Variants in EFHC1 observed in about 807,000 individuals in gnomAD.
EFHC1 encodes EF-hand domain-containing protein 1.
A neutral mutation model predicts 69.9 loss-of-function variants in EFHC1; 53 were observed. That is an observed-to-expected ratio of 0.76 (90% CI 0.61 to 0.95). EFHC1 has a LOEUF of 0.95. EFHC1 is among the 40% of genes least tolerant of loss of function. EFHC1 has a pLI of 0.00. For synonymous variants in EFHC1, 256 were observed against 278.4 expected, an observed-to-expected ratio of 0.92 and a Z score of 0.80; for missense variants, 739 against 798.7, an observed-to-expected ratio of 0.93 and a Z score of 0.90.
intron 2 of EFHC1, among the ~76,000 whole-genome samples, chr6:52,429,086 A>G (rs1232317514): frequency 1.3e-5 from 2 of 152,132 alleles, no homozygotes; most frequent in African/African-American, 4.8e-5. Flanking sequence ...TAAATTCTGG[A>G]TATTAATCTT....
At chr6:52,471,678 C>T (rs888925736) in intron 7 of EFHC1, among the ~76,000 whole-genome samples, 3 of 151,966 alleles carry the variant, frequency 2.0e-5, no homozygotes, top group African/African-American at 7.2e-5. Flanking sequence ...CCAGCCTGGC[C>T]AACATGCTAA....
intron 2 of EFHC1, among the ~76,000 whole-genome samples, chr6:52,432,624 C>G (rs1422184891): frequency 6.6e-6 from 1 of 152,186 alleles, no homozygotes; most frequent in African/African-American, 2.4e-5. Context: ...ATTTGCCTCA[C>G]AGCTCTTAAG....
At chr6:52,453,524 G>A in intron 4 of EFHC1, 6 of 1,285,814 alleles carry the variant, frequency 4.7e-6, no homozygotes, top group Non-Finnish European at 3.0e-6. Flanking sequence ...ACTAGCACTA[G>A]CATGGTCTTT....
rs371622248 is a variant in EFHC1, at chr6:52,439,219, G to A, written c.573+628G>A. Among the ~76,000 whole-genome samples, 39 of 152,182 alleles carry A rather than the reference G, an allele frequency of 2.6e-4. 1 individual carries two copies. The South Asian group carries it at 7.5e-3, about 29-fold the overall frequency. ...GGCCTTTCTTTACTACAAAGTGTAG[G>A]AATTAGGAAGTCAATTCCAAATTTG... On this transcript the variant is annotated intron_variant, in intron 3 of 10. Coordinates refer to ENST00000371068, the MANE Select transcript of EFHC1 (RefSeq NM_018100.4).
At chr6:52,486,521 T>C (rs1418694244) in intron 9 of EFHC1, 1 of 152,232 alleles carries the variant, frequency 6.6e-6, no homozygotes, top group Non-Finnish European at 1.5e-5. Context: ...ATCTTTTTAA[T>C]CCTTTTCTTT....
chr6:52,470,242 G>T (rs183200310), intron 7 of EFHC1, among the ~76,000 whole-genome samples: 5 of 152,196 alleles, frequency 3.3e-5, no homozygotes, highest in Non-Finnish European at 7.4e-5. Flanking sequence ...ATTGCACAAA[G>T]CTTTAAATAA....
chr6:52,448,692 C>G (rs537346995), intron 3 of EFHC1, among the ~76,000 whole-genome samples: 1 of 152,188 alleles, frequency 6.6e-6, no homozygotes, highest in Non-Finnish European at 1.5e-5. Context: ...TGGAACCTCT[C>G]CTACCTAGTT....
intron 9 of EFHC1, 124 bp from the exon 10 acceptor site, chr6:52,490,016 C>G: frequency 1.1e-6 from 1 of 884,328 alleles, no homozygotes; most frequent in Non-Finnish European, 1.8e-6. Context: ...AGTTATTGGT[C>G]AGCTCAGTCT....
chr6:52,482,935 T>C (rs1241528135), intron 9 of EFHC1: 19 of 398,286 alleles, frequency 4.8e-5, no homozygotes, highest in Non-Finnish European at 6.6e-5. Context: ...TTCATCCTTA[T>C]TGGCCAATTC....
intron 9 of EFHC1, among the ~76,000 whole-genome samples, 167 bp from the exon 10 acceptor site, chr6:52,489,973 G>A (rs1001207985): frequency 6.6e-6 from 1 of 152,168 alleles, no homozygotes; most frequent in African/African-American, 2.4e-5. Context: ...TTCCTGATGT[G>A]GAGGTCAGCT....
At position 52,424,033 on chromosome 6, in the gene EFHC1, C is replaced by T. The variant is rs374661645; in HGVS notation, c.151C>T (p.Arg51Trp). The change falls in exon 2 of 11, where the codon CGG (arginine) becomes TGG (tryptophan). Residue 51 changes from arginine (R) to tryptophan (W), a missense_variant. Arg to Trp is a moderately radical substitution (Grantham distance 101, BLOSUM62 -3). Coordinates refer to ENST00000371068, the MANE Select transcript of EFHC1 (RefSeq NM_018100.4). ...TCCAACAGTTGGGATAGGCGGAGAC[C>T]GGCTCCAGTTCAACCAGCTGTCCCA... ...RRPTVGIGGD[R>W]LQFNQLSQAE... 9.2e-5 allele frequency: 149 copies of T among 1,613,958 alleles called. No homozygotes were observed. Among genetic ancestry groups the T allele is most frequent in the Non-Finnish European group, 1.1e-4 (129 of 1,180,022 alleles).
intron 5 of EFHC1, among the ~76,000 whole-genome samples, chr6:52,464,038 TGTGATCAGG>T (rs765439596): frequency 2.0e-5 from 3 of 152,208 alleles, no homozygotes; most frequent in Non-Finnish European, 2.9e-5. Flanking sequence ...TCATCCCCCT[TGTGATCAGG>T]GTTCTGTGCC....
At chr6:52,460,176 A>G (rs1459124790) in intron 5 of EFHC1, among the ~76,000 whole-genome samples, 1 of 152,254 alleles carries the variant, frequency 6.6e-6, no homozygotes, top group Admixed American at 6.5e-5. Context: ...ATTATTGTAT[A>G]TCAGTACTTT....
At chr6:52,466,926 A>C (rs1765318452) in intron 6 of EFHC1, among the ~76,000 whole-genome samples, 3 of 152,192 alleles carry the variant, frequency 2.0e-5, no homozygotes, top group Admixed American at 2.0e-4. Context: ...ATTGATTAAG[A>C]ACAATGATAA....
At chr6:52,474,283 T>C (rs1765499857) in intron 7 of EFHC1, among the ~76,000 whole-genome samples, 1 of 152,192 alleles carries the variant, frequency 6.6e-6, no homozygotes, top group African/African-American at 2.4e-5. Context: ...GCCACTGCAC[T>C]CCAACCTGGG....
At position 52,479,042 on chromosome 6, in the gene EFHC1, C is replaced by T; in HGVS notation, c.1284C>T (p.Ser428=). The change falls in exon 8 of 11, where the codon TCC becomes TCT. Residue 428 remains serine, a synonymous_variant. Transcript: ENST00000371068. Reference sequence around the variant, plus strand: ...TCTTTTCTTCACCTTTGTAGGAATCCCCCATCCCAGAAGACAAAGACCGCA... The same window carrying T: ...TCTTTTCTTCACCTTTGTAGGAATCTCCCATCCCAGAAGACAAAGACCGCA... The part of the protein sequence containing the change: ...KVLRYLAVLE[S]PIPEDKDRRF... 1 of 1,613,528 alleles carries T rather than the reference C, an allele frequency of 6.2e-7. No individual in the cohort carries two copies. The highest frequency in any genetic ancestry group is 8.5e-7 in the Non-Finnish European group (1 of 1,179,940).
Position 52,492,662 on chromosome 6 carries a change from T to C in EFHC1, c.*321T>C, listed in dbSNP as rs2114040094. On this transcript the variant is annotated 3_prime_UTR_variant, in exon 11 of 11. Transcript: ENST00000371068. ...TGGGATCTCACTCTGTCATACAGGC[T>C]GGAGTGTGGTGGCACTATCCTAGTT... is the stretch of plus-strand genomic sequence containing the variant. The C allele has an allele frequency of 2.2e-6, 1 of 464,034 alleles. No individual in the cohort carries two copies. Among genetic ancestry groups the C allele is most frequent in the East Asian group, 6.4e-5 (1 of 15,504 alleles). 28.7% of individuals were successfully genotyped at this position (464,034 alleles called of 1,614,324 possible). A position where few individuals can be genotyped will look rare whatever the true frequency, so the allele number is the denominator to read the frequency against.
intron 7 of EFHC1, among the ~76,000 whole-genome samples, chr6:52,474,821 C>CT (rs985011669): frequency 1.3e-5 from 2 of 152,174 alleles, no homozygotes; most frequent in African/African-American, 4.8e-5. Flanking sequence ...TGGATGTCTG[C>CT]TTTGTAGCAA....
chr6:52,482,527 C>G (rs1455947330), intron 9 of EFHC1: 2 of 340,740 alleles, frequency 5.9e-6, no homozygotes, highest in African/African-American at 4.2e-5. Flanking sequence ...CAGCACTTGC[C>G]TACTTCTCAT....
Sources: allele counts gnomAD v4.1 joint callset (sites outside exome capture counted in the v4.1 genomes callset), GRCh38; gene constraint gnomAD v4.1.1; transcripts MANE v1.5; gene names NCBI Gene and HGNC (gene_info 2026-07-23, HGNC 2026-07-21).